RETREG1: variants seen among roughly 807,000 people sequenced by gnomAD.
RETREG1 encodes the protein family with sequence similarity 134 member B.
Under a neutral mutation model 54.8 loss-of-function variants are expected in RETREG1, and 44 were observed. The ratio of observed to expected loss-of-function variants is 0.80; its 90% CI spans 0.63 to 1.03. The LOEUF is 1.03. RETREG1 is among the 50% of genes least tolerant of loss of function. RETREG1 has a pLI of 0.00. For synonymous variants in RETREG1, 217 were observed against 238.5 expected (o/e 0.91, Z 0.83); for missense variants, 554 against 605.1 (o/e 0.92, Z 0.89).
chr5:16,552,536 C>T (rs1210245791), intron 3 of RETREG1, among the ~76,000 whole-genome samples: 2 of 152,178 alleles, frequency 1.3e-5, no homozygotes, highest in Non-Finnish European at 2.9e-5. Flanking sequence ...CTCACAGATG[C>T]TTAGCTTGTT....
chr5:16,522,904 G>A (rs987247673), intron 3 of RETREG1, among the ~76,000 whole-genome samples: 3 of 152,078 alleles, frequency 2.0e-5, no homozygotes, highest in African/African-American at 7.2e-5. Flanking sequence ...TATTCAGGAG[G>A]CTGATGGGGG....
intron 3 of RETREG1, 115 bp downstream of exon 3, chr5:16,565,648 C>G: frequency 3.5e-6 from 4 of 1,137,284 alleles, no homozygotes; most frequent in South Asian, 1.3e-5. Context: ...TGGTAAATTA[C>G]TCTTGGATTT....
In RETREG1 at chr5:16,561,628, A is replaced by G. The variant is rs1741858829; in HGVS notation, c.458+4135T>C. On this transcript the variant is annotated intron_variant, in intron 3 of 8. Transcript: ENST00000306320. This position sits in a 1 kb window ranked among gnomAD's most constrained non-coding sequence, Gnocchi z 4.2. Reference sequence around the variant, plus strand: ...GGAGAGAAATAGCCTAAGTCTAACAAAAGCCCTAGAATAGGGAGCTTCTCA... The same window carrying G: ...GGAGAGAAATAGCCTAAGTCTAACAGAAGCCCTAGAATAGGGAGCTTCTCA... Among the ~76,000 whole-genome samples the G allele has an allele frequency of 6.6e-6, 1 of 152,252 alleles. No individual in the cohort carries two copies. Among genetic ancestry groups the G allele is most frequent in the African/African-American group, 2.4e-5 (1 of 41,472 alleles).
intron 1 of RETREG1, among the ~76,000 whole-genome samples, chr5:16,600,018 C>A (rs2126356670): frequency 6.6e-6 from 1 of 152,164 alleles, no homozygotes; most frequent in African/African-American, 2.4e-5. Flanking sequence ...AAGGCAGGGG[C>A]GAGGACAGGT....
chr5:16,571,226 A>C (rs535477418), intron 2 of RETREG1, among the ~76,000 whole-genome samples: 1 of 152,264 alleles, frequency 6.6e-6, no homozygotes, highest in South Asian at 2.1e-4. Flanking sequence ...GGCAGCTCTG[A>C]TGCACATCAG....
chr5:16,583,799 AT>A (rs548058017), intron 1 of RETREG1, among the ~76,000 whole-genome samples: 4 of 151,844 alleles, frequency 2.6e-5, no homozygotes, highest in Non-Finnish European at 5.9e-5. Context: ...GCTAAAACAT[AT>A]TTTTTTTGTC....
At chr5:16,564,744 T>C (rs560168601) in intron 3 of RETREG1, among the ~76,000 whole-genome samples, 8 of 152,268 alleles carry the variant, frequency 5.3e-5, no homozygotes, top group African/African-American at 1.4e-4. Context: ...CCTGAGTCTC[T>C]TGGCAAGTCT....
intron 3 of RETREG1, among the ~76,000 whole-genome samples, chr5:16,504,159 G>T (rs1171688162): frequency 6.6e-6 from 1 of 152,118 alleles, no homozygotes; most frequent in Admixed American, 6.5e-5. Flanking sequence ...GCAGCGTTTG[G>T]TTTTCTGTTC....
intron 3 of RETREG1, among the ~76,000 whole-genome samples, chr5:16,539,736 G>C (rs1220159427): frequency 3.3e-5 from 5 of 152,212 alleles, no homozygotes; most frequent in African/African-American, 1.2e-4. Context: ...AGGAGACGCT[G>C]TCATCACTTC....
intron 3 of RETREG1, among the ~76,000 whole-genome samples, chr5:16,514,849 G>A (rs949406988): frequency 1.4e-4 from 21 of 150,652 alleles, no homozygotes; most frequent in African/African-American, 4.1e-4. Context: ...AGGTTGCTGC[G>A]AATGCCATTA....
intron 3 of RETREG1, among the ~76,000 whole-genome samples, chr5:16,545,664 T>C (rs1274324703): frequency 6.6e-6 from 1 of 152,136 alleles, no homozygotes; most frequent in Non-Finnish European, 1.5e-5. Context: ...CTTCCTTTGA[T>C]TCCTAGGAGG....
intron 1 of RETREG1, among the ~76,000 whole-genome samples, chr5:16,604,745 G>C (rs1299622471): frequency 6.6e-6 from 1 of 152,176 alleles, no homozygotes; most frequent in African/African-American, 2.4e-5. Context: ...TTTTCACTTA[G>C]GTATTGCCTT....
In RETREG1 at chr5:16,474,725, C is replaced by G; in HGVS notation, c.*16G>C. 1.3e-6 allele frequency: 2 copies of G among 1,583,164 alleles called. No individual in the cohort carries two copies. The highest frequency in any genetic ancestry group is 1.7e-6 in the Non-Finnish European group (2 of 1,166,842). On this transcript the variant is annotated 3_prime_UTR_variant, in exon 9 of 9. Coordinates refer to ENST00000306320, the MANE Select transcript of RETREG1 (RefSeq NM_001034850.3). Reference sequence around the variant, plus strand: ...TTTTGGTGTTTTTTGTGCTCTGTTGCAAGCTGATTCCTAGATTAATGGCCT... The same window carrying G: ...TTTTGGTGTTTTTTGTGCTCTGTTGGAAGCTGATTCCTAGATTAATGGCCT...
chr5:16,496,200 GTATTACAA>G (rs1220154719), intron 3 of RETREG1, among the ~76,000 whole-genome samples: 4 of 152,098 alleles, frequency 2.6e-5, no homozygotes, highest in African/African-American at 7.2e-5. Flanking sequence ...ACAGTTATAT[GTATTACAA>G]TATAGGTTTT....
chr5:16,599,034 C>T (rs1579720138), intron 1 of RETREG1, among the ~76,000 whole-genome samples: 1 of 152,010 alleles, frequency 6.6e-6, no homozygotes, highest in East Asian at 1.9e-4. Flanking sequence ...GAGTGCGTCC[C>T]CATCTCTACA....
Position 16,561,919 on chromosome 5 carries a change from C to T in RETREG1, c.458+3844G>A, listed in dbSNP as rs1239905798. ...AGCATGGAGTGCTTTTTCAAATCCA[C>T]TGAAATTACCCTAGCTCAGCTTGTC... On this transcript the variant is annotated intron_variant, in intron 3 of 8. Coordinates refer to ENST00000306320, the MANE Select transcript of RETREG1 (RefSeq NM_001034850.3). This position sits in a 1 kb window ranked among gnomAD's most constrained non-coding sequence, Gnocchi z 4.2. 6.6e-6 allele frequency among the ~76,000 whole-genome samples: 1 copy of T among 152,212 alleles called. No individual in the cohort carries two copies. Among genetic ancestry groups the T allele is most frequent in the East Asian group, 1.9e-4 (1 of 5,192 alleles).
chr5:16,512,049 T>A (rs187322169), intron 3 of RETREG1, among the ~76,000 whole-genome samples: 1 of 152,108 alleles, frequency 6.6e-6, no homozygotes, highest in Non-Finnish European at 1.5e-5. Context: ...AATCGACAAG[T>A]GTCCCCCCAC....
intron 3 of RETREG1, among the ~76,000 whole-genome samples, chr5:16,558,246 C>T (rs955767225): frequency 3.3e-5 from 5 of 151,868 alleles, no homozygotes; most frequent in African/African-American, 7.3e-5. Flanking sequence ...AGTGACAGAG[C>T]GAGACTCTGT....
intron 1 of RETREG1, among the ~76,000 whole-genome samples, chr5:16,606,933 C>A (rs1743206261): frequency 6.6e-6 from 1 of 152,174 alleles, no homozygotes; most frequent in Non-Finnish European, 1.5e-5. Context: ...CAGCCCCAGC[C>A]ACAATGGCCT....
Sources: gnomAD v4.1 joint callset for allele counts (sites outside exome capture counted in the v4.1 genomes callset) on GRCh38, gnomAD v4.1.1 for gene constraint, Gnocchi (gnomAD v3.1) non-coding constraint, MANE v1.5 for transcripts, NCBI Gene and HGNC (gene_info 2026-07-23, HGNC 2026-07-21) for gene names.